CFAP53: variants seen among roughly 807,000 people sequenced by gnomAD.
The protein encoded by CFAP53 is cilia and flagella associated protein 53.
A neutral mutation model predicts 59.7 loss-of-function variants in CFAP53; 62 were observed. The observed-to-expected ratio is 1.04, with a 90% CI of 0.85 to 1.28. CFAP53 has a LOEUF of 1.28. Ranked by LOEUF, CFAP53 falls within the 50% of genes most tolerant of loss-of-function variation. The pLI is 0.00. For missense variants in CFAP53, 629 were observed against 615.6 expected (o/e 1.02, Z -0.23); for synonymous variants, 218 against 205.7 (o/e 1.06, Z -0.51).
In CFAP53 at chr18:50,240,099, CCTGACTCATTCAAATTACCTGCTCCACT is replaced by C. The variant is rs2033674757; in HGVS notation, c.1214-1422_1214-1395del. 2.6e-5 allele frequency among the ~76,000 whole-genome samples: 4 copies of C among 152,198 alleles called. No homozygotes were observed. In the South Asian group the frequency reaches 8.3e-4, roughly 32 times the overall value. On this transcript the variant is annotated intron_variant, in intron 6 of 7. Coordinates refer to ENST00000398545, the MANE Select transcript of CFAP53 (RefSeq NM_145020.5). ...GACTCATTCAGATTACCTGCTCCAC[CCTGACTCATTCAAATTACCTGCTCCACT>C]CTGACTCATTCTGATCATCTGCCCC...
chr18:50,235,193 A>T (rs1191146911), intron 7 of CFAP53, among the ~76,000 whole-genome samples: 1 of 152,192 alleles, frequency 6.6e-6, no homozygotes, highest in Non-Finnish European at 1.5e-5. Context: ...GTTCCTGAAG[A>T]TTCCTTTCTG....
At chr18:50,241,080 T>C (rs1438878293) in intron 6 of CFAP53, among the ~76,000 whole-genome samples, 1 of 152,228 alleles carries the variant, frequency 6.6e-6, no homozygotes, top group South Asian at 2.1e-4. Flanking sequence ...GGGCTGACAC[T>C]ATGTATCACT....
chr18:50,264,012 T>C (rs2033916399), intron 1 of CFAP53, among the ~76,000 whole-genome samples: 1 of 152,232 alleles, frequency 6.6e-6, no homozygotes, highest in South Asian at 2.1e-4. Flanking sequence ...AATATAAATA[T>C]AATGCAAAAC....
intron 4 of CFAP53, 116 bp downstream of exon 4, chr18:50,251,364 TG>T (rs1344320785): frequency 1.1e-6 from 1 of 891,470 alleles, no homozygotes. Context: ...AGTCCAAAAA[TG>T]GAAATGTGCC....
At chr18:50,253,043 G>T (rs1371531195) in intron 3 of CFAP53, among the ~76,000 whole-genome samples, 1 of 150,466 alleles carries the variant, frequency 6.6e-6, no homozygotes, top group Non-Finnish European at 1.5e-5. Context: ...TTGAGACGGA[G>T]TCTCGCTCTG....
intron 3 of CFAP53, among the ~76,000 whole-genome samples, chr18:50,254,600 C>G (rs945493402): frequency 1.3e-5 from 2 of 152,054 alleles, no homozygotes; most frequent in African/African-American, 4.8e-5. Flanking sequence ...GAAAAAATTA[C>G]ATTTATGGCT....
At chr18:50,245,867 T>C (rs1000611006) in intron 5 of CFAP53, among the ~76,000 whole-genome samples, 1 of 152,206 alleles carries the variant, frequency 6.6e-6, no homozygotes, top group Admixed American at 6.5e-5. Flanking sequence ...TCTTTTTTTT[T>C]TGAGATGAAG....
At chr18:50,266,167 A>G (rs2033967862) in intron 1 of CFAP53, among the ~76,000 whole-genome samples, 169 bp downstream of exon 1, 1 of 152,224 alleles carries the variant, frequency 6.6e-6, no homozygotes, top group South Asian at 2.1e-4. Flanking sequence ...GGTGGGGTAG[A>G]TAGGTGAGCG....
intron 3 of CFAP53, among the ~76,000 whole-genome samples, chr18:50,258,238 A>G (rs1427880316): frequency 2.0e-5 from 3 of 152,198 alleles, no homozygotes; most frequent in Non-Finnish European, 4.4e-5. Context: ...ACAGCATGGT[A>G]CTGGCATAAA....
intron 3 of CFAP53, among the ~76,000 whole-genome samples, chr18:50,257,924 G>A (rs1257545429): frequency 6.6e-6 from 1 of 152,122 alleles, no homozygotes; most frequent in East Asian, 1.9e-4. Flanking sequence ...CAGCTACTTG[G>A]GAGGCTGAGG....
In CFAP53 at chr18:50,250,885, T is replaced by C; in HGVS notation, c.869A>G (p.Lys290Arg). Reference sequence around the variant, plus strand: ...ATGTTCTATCCTCTCTTGTAGGGCTTTTTGCAAAATGGTCCTAGTTTCCTG... The same window carrying C: ...ATGTTCTATCCTCTCTTGTAGGGCTCTTTGCAAAATGGTCCTAGTTTCCTG... Reference protein sequence around the residue: ...AKQETRTILQKALQERIEHIQ... With the variant: ...AKQETRTILQRALQERIEHIQ... Residue 290 changes from lysine (K) to arginine (R), a missense_variant, in exon 5 of 8, where the codon AAA becomes AGA. By Grantham distance (26) the Lys-to-Arg change is conservative. Coordinates refer to ENST00000398545, the MANE Select transcript of CFAP53 (RefSeq NM_145020.5). The C allele has an allele frequency of 6.2e-7, 1 of 1,614,202 alleles. No homozygotes were observed.
intron 3 of CFAP53, among the ~76,000 whole-genome samples, chr18:50,258,423 C>G (rs2033863630): frequency 6.6e-6 from 1 of 152,054 alleles, no homozygotes; most frequent in Admixed American, 6.6e-5. Context: ...GAAAATAGAC[C>G]CTATCTTTCA....
At chr18:50,255,402 G>A in intron 3 of CFAP53, among the ~76,000 whole-genome samples, 1 of 151,916 alleles carries the variant, frequency 6.6e-6, no homozygotes, top group East Asian at 1.9e-4. Flanking sequence ...GTGATAAAAT[G>A]GCACAGAACT....
chr18:50,242,408 T>C (rs907128425), intron 6 of CFAP53, among the ~76,000 whole-genome samples: 8 of 152,304 alleles, frequency 5.3e-5, no homozygotes, highest in East Asian at 3.9e-4. Context: ...TGTTCAGAGA[T>C]TGCAGTAAAA....
chr18:50,242,851 A>G lies in CFAP53; in HGVS notation c.1213+49T>C. ...GTTGTTAGTATTTTGGTTGTTACTTAAATTGAATTAAGGGCAAGCTATAAT... is the reference window on the plus strand; with the variant it reads ...GTTGTTAGTATTTTGGTTGTTACTTGAATTGAATTAAGGGCAAGCTATAAT... On this transcript the variant is annotated intron_variant, in intron 6 of 7. Transcript: ENST00000398545. The G allele has an allele frequency of 4.1e-6, 6 of 1,474,248 alleles. No individual in the cohort carries two copies. The Middle Eastern group carries it at 6.9e-4, about 170-fold the overall frequency. The allele number at this position is 1,474,248 out of a possible 1,614,324, so 91.3% of individuals were successfully genotyped here. A position where few individuals can be genotyped will look rare whatever the true frequency, so the allele number is the denominator to read the frequency against.
Position 50,266,443 on chromosome 18 carries a change from G to A in CFAP53, c.-39C>T, listed in dbSNP as rs1219159705. The A allele has an allele frequency of 1.2e-6, 2 of 1,603,708 alleles. No individual in the cohort carries two copies. Among genetic ancestry groups the A allele is most frequent in the Non-Finnish European group, 1.7e-6 (2 of 1,170,504 alleles). On this transcript the variant is annotated 5_prime_UTR_variant, in exon 1 of 8. In the 5' UTR this introduces an upstream ATG that the reference lacks. Coordinates refer to ENST00000398545, the MANE Select transcript of CFAP53 (RefSeq NM_145020.5). ...TCGGGACGGGGGCGGCGTCCGCCGC[G>A]TTTCCCCCAACCGTGGCGACCTGCG...
At chr18:50,252,351 A>G (rs1364515381) in intron 3 of CFAP53, among the ~76,000 whole-genome samples, 1 of 151,612 alleles carries the variant, frequency 6.6e-6, no homozygotes, top group Non-Finnish European at 1.5e-5. Context: ...TGATCCGCCC[A>G]CCTCAGCCTC....
At chr18:50,250,135 C>T (rs537986607) in intron 5 of CFAP53, among the ~76,000 whole-genome samples, 1 of 150,326 alleles carries the variant, frequency 6.7e-6, no homozygotes, top group East Asian at 2.0e-4. Flanking sequence ...GGGAGGATTG[C>T]TTGAGCCCAG....
chr18:50,229,201 A>G (rs1014296730), intron 7 of CFAP53, among the ~76,000 whole-genome samples: 3 of 152,250 alleles, frequency 2.0e-5, no homozygotes, highest in Non-Finnish European at 4.4e-5. Flanking sequence ...AGAGATCTCC[A>G]GGACTTCTTC....
Sources: gnomAD v4.1 joint callset for allele counts (sites outside exome capture counted in the v4.1 genomes callset) on GRCh38, gnomAD v4.1.1 for gene constraint, MANE v1.5 for transcripts, NCBI Gene and HGNC (gene_info 2026-07-23, HGNC 2026-07-21) for gene names.